Variants in CFAP58 observed in about 807,000 individuals in gnomAD.
The protein encoded by CFAP58 is cilia- and flagella-associated protein 58.
Under a neutral mutation model 119.5 loss-of-function variants are expected in CFAP58, and 88 were observed. The ratio of observed to expected loss-of-function variants is 0.74; its 90% CI spans 0.62 to 0.88. The LOEUF (loss-of-function observed/expected upper bound fraction) is 0.88, where lower values mean the gene tolerates loss of function less well. CFAP58 is among the 40% of genes least tolerant of loss of function. The pLI, the probability that CFAP58 is intolerant of heterozygous loss-of-function variation, is 0.00. For missense variants in CFAP58, 990 were observed against 1,021.2 expected (o/e 0.97, Z 0.42); for synonymous variants, 365 against 366.3 (o/e 1.00, Z 0.04).
the CFAP58 span, among the ~76,000 whole-genome samples, chr10:104,346,153 G>A: frequency 1.3e-5 from 2 of 151,900 alleles, no homozygotes; most frequent in Non-Finnish European, 2.9e-5. Context: ...GAAAGGATGT[G>A]CCTGACTCCT....
In CFAP58 at chr10:104,400,846, A is replaced by G; in HGVS notation, c.1982A>G (p.Lys661Arg). 6.2e-7 allele frequency: 1 copy of G among 1,614,200 alleles called. No individual in the cohort carries two copies. Among genetic ancestry groups the G allele is most frequent in the South Asian group, 1.1e-5 (1 of 91,084 alleles). Residue 661 changes from lysine (K) to arginine (R), a missense_variant, in exon 13 of 18, where the codon AAG becomes AGG. Physicochemically the swap from Lys to Arg is conservative, Grantham distance 26. Coordinates refer to ENST00000369704, the MANE Select transcript of CFAP58 (RefSeq NM_001008723.2). ...DMRILRLEIK[K>R]LRREKGILAR... is the part of the protein sequence containing the mutation. ...AGAATCCTCAGACTTGAGATCAAGA[A>G]GCTTCGCCGGGAAAAGGGGATTCTT...
At chr10:104,419,033 A>T (rs912810734) in intron 15 of CFAP58, among the ~76,000 whole-genome samples, 1 of 152,196 alleles carries the variant, frequency 6.6e-6, no homozygotes, top group African/African-American at 2.4e-5. Context: ...AAGGACATTT[A>T]AAGTGCTGGG....
At position 104,403,795 on chromosome 10, in the gene CFAP58, G is replaced by A; in HGVS notation, c.2106G>A (p.Glu702=). 6.2e-7 allele frequency: 1 copy of A among 1,612,948 alleles called. No individual in the cohort carries two copies. The highest frequency in any genetic ancestry group is 8.5e-7 in the Non-Finnish European group (1 of 1,179,534). Residue 702 remains glutamate (E), a synonymous_variant, in exon 14 of 18, where the codon GAG becomes GAA. Transcript: ENST00000369704. ...KERTRCRALE[E]ELENPLNVHR... ...GGACACGCTGCCGAGCCCTGGAGGA[G>A]GAGCTGGAGAATCCCCTGAATGTGC...
At chr10:104,357,881 A>G (rs970331382) in intron 1 of CFAP58, among the ~76,000 whole-genome samples, 3 of 79,864 alleles carry the variant, frequency 3.8e-5, no homozygotes, top group African/African-American at 1.6e-4. Flanking sequence ...ATATATGTAC[A>G]CATATATAAA....
rs146909454 is a variant in CFAP58, at chr10:104,403,340, G to T, written c.2040-389G>T. Among the ~76,000 whole-genome samples the T allele has an allele frequency of 6.3e-3, 956 of 152,254 alleles. 11 individuals carry two copies. The highest frequency in any genetic ancestry group is 0.022 in the African/African-American group (908 of 41,540). On this transcript the variant is annotated intron_variant, in intron 13 of 17. Transcript: ENST00000369704. ...ATTGTGAGGCCTCTCCAGCCATGTG[G>T]AACTGTGAGTCCATTAAACCTCTTT...
At chr10:104,358,024 T>TATACACATATATGTACATAC (rs2014610930) in intron 1 of CFAP58, among the ~76,000 whole-genome samples, 2 of 148,262 alleles carry the variant, frequency 1.3e-5, no homozygotes, top group Non-Finnish European at 3.0e-5. Flanking sequence ...TATGTACATA[T>TATACACATATATGTACATAC]ATATACATAT....
chr10:104,357,832 TATGTACAC>T (rs2014570423), intron 1 of CFAP58, among the ~76,000 whole-genome samples: 9 of 122,812 alleles, frequency 7.3e-5, no homozygotes, highest in African/African-American at 1.7e-4. Flanking sequence ...TATACACATA[TATGTACAC>T]ATATGTACAC....
At chr10:104,414,449 G>T in intron 15 of CFAP58, among the ~76,000 whole-genome samples, 1 of 152,064 alleles carries the variant, frequency 6.6e-6, no homozygotes, top group Admixed American at 6.5e-5. Flanking sequence ...CAGAGCCCAA[G>T]AATCAAAAGG....
the CFAP58 span, among the ~76,000 whole-genome samples, chr10:104,348,717 G>T: frequency 6.6e-6 from 1 of 152,140 alleles, no homozygotes; most frequent in Non-Finnish European, 1.5e-5. Flanking sequence ...CCATACTTGA[G>T]ATTCTTTTAA....
At chr10:104,426,801 A>C (rs1465065339) in intron 15 of CFAP58, among the ~76,000 whole-genome samples, 1 of 152,142 alleles carries the variant, frequency 6.6e-6, no homozygotes, top group African/African-American at 2.4e-5. Flanking sequence ...TATCATACTA[A>C]ATAGCTTCTC....
chr10:104,413,803 C>T (rs2012500301), intron 15 of CFAP58, among the ~76,000 whole-genome samples: 1 of 152,266 alleles, frequency 6.6e-6, no homozygotes, highest in South Asian at 2.1e-4. Flanking sequence ...GCATCATCAT[C>T]ATCATCAAGA....
chr10:104,426,992 A>G (rs1382090176), intron 15 of CFAP58, among the ~76,000 whole-genome samples: 1 of 152,222 alleles, frequency 6.6e-6, no homozygotes, highest in African/African-American at 2.4e-5. Context: ...GTTTTTAGAA[A>G]CTTGAGAGGT....
intron 7 of CFAP58, among the ~76,000 whole-genome samples, chr10:104,375,309 CAT>C (rs2014877670): frequency 6.6e-6 from 1 of 151,684 alleles, no homozygotes; most frequent in South Asian, 2.1e-4. Flanking sequence ...GGGAAAGAGA[CAT>C]ATTAAAATAC....
At chr10:104,413,056 A>C (rs2012486062) in intron 15 of CFAP58, among the ~76,000 whole-genome samples, 1 of 152,222 alleles carries the variant, frequency 6.6e-6, no homozygotes, top group African/African-American at 2.4e-5. Flanking sequence ...AAGCTTCGCA[A>C]AGGAGTTCTG....
rs964179848 is a variant in CFAP58, at chr10:104,399,277, C to T, written c.1675-83C>T. 3 of 1,460,022 alleles carry T rather than the reference C, an allele frequency of 2.1e-6. No homozygotes were observed. In the African/African-American group the frequency reaches 4.2e-5, roughly 21 times the overall value. The allele number at this position is 1,460,022 out of a possible 1,614,324, so 90.4% of individuals were successfully genotyped here. On this transcript the variant is annotated intron_variant, in intron 11 of 17. Coordinates refer to ENST00000369704, the MANE Select transcript of CFAP58 (RefSeq NM_001008723.2). ...TCAGAGGAAAGAGTAAGAAGCACAACTGTACATCTGAATCCGGGCCCTGTC... is the reference window on the plus strand; with the variant it reads ...TCAGAGGAAAGAGTAAGAAGCACAATTGTACATCTGAATCCGGGCCCTGTC...
intron 16 of CFAP58, among the ~76,000 whole-genome samples, 198 bp from the exon 17 acceptor site, chr10:104,449,873 T>C (rs559180448): frequency 6.6e-6 from 1 of 152,264 alleles, no homozygotes; most frequent in African/African-American, 2.4e-5. Context: ...AGTTGCAACC[T>C]AGTGATGCAT....
intron 15 of CFAP58, among the ~76,000 whole-genome samples, chr10:104,424,420 C>A (rs1339683435): frequency 6.6e-6 from 1 of 152,148 alleles, no homozygotes; most frequent in Non-Finnish European, 1.5e-5. Context: ...TTGTCCTGCA[C>A]ACCTCCAGAG....
intron 9 of CFAP58, among the ~76,000 whole-genome samples, chr10:104,390,171 A>G (rs1368621662): frequency 2.0e-5 from 3 of 152,222 alleles, no homozygotes; most frequent in Non-Finnish European, 4.4e-5. Context: ...GAGAATACAC[A>G]TACAAAAATG....
At chr10:104,454,368 A>G in intron 17 of CFAP58, 54 bp from the exon 18 acceptor site, 1 of 1,398,582 alleles carries the variant, frequency 7.2e-7, no homozygotes, top group South Asian at 1.2e-5. Flanking sequence ...ATCAAATGTC[A>G]AACTTAGACA....
Sources: allele counts gnomAD v4.1 joint callset (sites outside exome capture counted in the v4.1 genomes callset), GRCh38; gene constraint gnomAD v4.1.1; transcripts MANE v1.5; gene names NCBI Gene and HGNC (gene_info 2026-07-23, HGNC 2026-07-21).